Variants in ACER3 observed in about 807,000 individuals in gnomAD.
ACER3 encodes the protein alkCDase 3.
A neutral mutation model predicts 48.9 loss-of-function variants in ACER3; 16 were observed. The ratio of observed to expected loss-of-function variants is 0.33; its 90% CI spans 0.22 to 0.50. The LOEUF (loss-of-function observed/expected upper bound fraction) is 0.50. ACER3 is among the 20% of genes least tolerant of loss of function. The pLI, the probability that ACER3 is intolerant of heterozygous loss-of-function variation, is 0.98. For missense variants in ACER3, 227 were observed against 326.0 expected (o/e 0.70, Z 2.34); for synonymous variants, 109 against 107.8 (o/e 1.01, Z -0.07).
At chr11:76,914,621 G>T (rs1402113777) in intron 1 of ACER3, among the ~76,000 whole-genome samples, 1 of 152,160 alleles carries the variant, frequency 6.6e-6, no homozygotes, top group East Asian at 1.9e-4. Flanking sequence ...GTTCAACCAT[G>T]GAGGAAGACA....
intron 1 of ACER3, among the ~76,000 whole-genome samples, chr11:76,922,270 C>T (rs951077002): frequency 1.3e-5 from 2 of 152,092 alleles, no homozygotes; most frequent in Non-Finnish European, 2.9e-5. Context: ...CACTCCCTGC[C>T]TCCAGGTAAT....
rs573982783 is a variant in ACER3, at chr11:76,868,176, G to A, written c.103+7097G>A. On this transcript the variant is annotated intron_variant, in intron 1 of 10. Coordinates refer to ENST00000532485, the MANE Select transcript of ACER3 (RefSeq NM_018367.7). Reference sequence around the variant, plus strand: ...CCTCAAGTTAGTGAGCACACATCAGGCTTCTTTTTTGGTCTTGGGACTCTG... The same window carrying A: ...CCTCAAGTTAGTGAGCACACATCAGACTTCTTTTTTGGTCTTGGGACTCTG... 1.2e-5 allele frequency: 15 copies of A among 1,289,738 alleles called. No homozygotes were observed. The East Asian group carries it at 1.7e-4, about 14-fold the overall frequency. The allele number at this position is 1,289,738 out of a possible 1,614,324, so 79.9% of individuals were successfully genotyped here. A position where few individuals can be genotyped will look rare whatever the true frequency, so the allele number is the denominator to read the frequency against.
At chr11:76,883,437 G>GCTT (rs1945584355) in intron 1 of ACER3, among the ~76,000 whole-genome samples, 1 of 71,918 alleles carries the variant, frequency 1.4e-5, no homozygotes, top group Non-Finnish European at 3.8e-5. Context: ...TGATTTTCTT[G>GCTT]CTTTTTTTTT....
chr11:76,897,159 G>A (rs1011435218), intron 1 of ACER3, among the ~76,000 whole-genome samples: 13 of 152,022 alleles, frequency 8.6e-5, no homozygotes, highest in African/African-American at 2.2e-4. Flanking sequence ...GTTTCACCAC[G>A]TTGGCTAGGC....
intron 2 of ACER3, among the ~76,000 whole-genome samples, chr11:76,941,174 T>C (rs974909362): frequency 2.0e-5 from 3 of 152,118 alleles, no homozygotes; most frequent in Non-Finnish European, 4.4e-5. Flanking sequence ...TTCAGTTTTT[T>C]ATTTTTTGAC....
chr11:76,939,947 G>A (rs1004065093), intron 2 of ACER3, among the ~76,000 whole-genome samples: 3 of 152,008 alleles, frequency 2.0e-5, no homozygotes, highest in Non-Finnish European at 2.9e-5. Flanking sequence ...AGTTGAATAA[G>A]GACTTTATAA....
At chr11:77,017,300 G>A (rs1347611068) in intron 9 of ACER3, among the ~76,000 whole-genome samples, 6 of 151,924 alleles carry the variant, frequency 3.9e-5, no homozygotes, top group Non-Finnish European at 8.8e-5. Context: ...TAAAAGAAGA[G>A]ACATTACAAT....
chr11:76,920,572 T>C (rs1333306998), intron 1 of ACER3, among the ~76,000 whole-genome samples: 2 of 152,162 alleles, frequency 1.3e-5, no homozygotes, highest in Non-Finnish European at 2.9e-5. Context: ...CTCCTTACTC[T>C]TATAAGTTAA....
chr11:76,987,975 ATACT>A (rs1448651337), intron 5 of ACER3, among the ~76,000 whole-genome samples: 2 of 152,314 alleles, frequency 1.3e-5, no homozygotes, highest in African/African-American at 4.8e-5. Context: ...ACCTAATGAA[ATACT>A]TACATTTGAG....
At chr11:76,976,057 T>A (rs532515589) in intron 3 of ACER3, among the ~76,000 whole-genome samples, 19 of 152,062 alleles carry the variant, frequency 1.2e-4, no homozygotes, top group South Asian at 4.2e-4. Flanking sequence ...TGATTTTTTT[T>A]AAAAGTTTTT....
At chr11:76,902,910 A>G (rs1946117826) in intron 1 of ACER3, among the ~76,000 whole-genome samples, 1 of 152,224 alleles carries the variant, frequency 6.6e-6, no homozygotes, top group Non-Finnish European at 1.5e-5. Context: ...TTATCATTTA[A>G]TACTACATCT....
At chr11:76,891,202 TA>T (rs1326357017) in intron 1 of ACER3, among the ~76,000 whole-genome samples, 9 of 150,938 alleles carry the variant, frequency 6.0e-5, no homozygotes, top group African/African-American at 2.2e-4. Flanking sequence ...GAATGAATTT[TA>T]TAGAGGTTCA....
At chr11:76,923,344 A>G (rs1457106462) in intron 1 of ACER3, among the ~76,000 whole-genome samples, 4 of 152,020 alleles carry the variant, frequency 2.6e-5, no homozygotes, top group Admixed American at 2.6e-4. Context: ...TTGAACTTCC[A>G]CCATTTCTCC....
chr11:76,897,874 A>C (rs1365202089), intron 1 of ACER3, among the ~76,000 whole-genome samples: 1 of 152,250 alleles, frequency 6.6e-6, no homozygotes, highest in Admixed American at 6.5e-5. Flanking sequence ...CAGTCATACA[A>C]GTGCTATTCC....
intron 1 of ACER3, among the ~76,000 whole-genome samples, chr11:76,915,072 A>C (rs1284565432): frequency 1.3e-5 from 2 of 152,138 alleles, no homozygotes; most frequent in Admixed American, 6.6e-5. Flanking sequence ...TAGCATTAGG[A>C]GATATACCTA....
intron 1 of ACER3, chr11:76,868,098 T>G (rs958088911): frequency 6.2e-6 from 8 of 1,289,300 alleles, no homozygotes; most frequent in African/African-American, 1.5e-5. Context: ...TTGCTATATT[T>G]CTTTTCTTTT....
At chr11:76,885,917 C>T (rs1209356960) in intron 1 of ACER3, among the ~76,000 whole-genome samples, 1 of 152,114 alleles carries the variant, frequency 6.6e-6, no homozygotes, top group Non-Finnish European at 1.5e-5. Context: ...GTTATCATAG[C>T]ACTGTTCTAG....
At chr11:76,902,163 C>T (rs368802729) in intron 1 of ACER3, among the ~76,000 whole-genome samples, 10 of 152,182 alleles carry the variant, frequency 6.6e-5, no homozygotes, top group African/African-American at 2.2e-4. Flanking sequence ...GCCTTTTGGT[C>T]TACAGAAGCT....
At chr11:76,907,394 A>G (rs1946262429) in intron 1 of ACER3, among the ~76,000 whole-genome samples, 2 of 152,152 alleles carry the variant, frequency 1.3e-5, no homozygotes, top group South Asian at 4.1e-4. Flanking sequence ...TTCTTAGTGG[A>G]CATGCTGTGT....
Sources: allele counts gnomAD v4.1 joint callset (sites outside exome capture counted in the v4.1 genomes callset), GRCh38; gene constraint gnomAD v4.1.1; transcripts MANE v1.5; gene names NCBI Gene and HGNC (gene_info 2026-07-23, HGNC 2026-07-21).